Variants in TTC17 observed in about 807,000 individuals in gnomAD.
TTC17 encodes tetratricopeptide repeat domain 17.
TTC17 carries 58 observed loss-of-function variants against 143.8 expected under a neutral mutation model. The observed-to-expected ratio is 0.40, with a 90% confidence interval of 0.33 to 0.50. TTC17 has a LOEUF of 0.50. Ranked by LOEUF, TTC17 falls within the 20% of genes least tolerant of loss-of-function variation. The pLI is 0.49. For synonymous variants in TTC17, 501 were observed against 497.8 expected, an observed-to-expected ratio of 1.01 and a Z score of -0.09; for missense variants, 1,273 against 1,392.5, an observed-to-expected ratio of 0.91 and a Z score of 1.37.
At chr11:43,364,225 T>G (rs140334785) in intron 1 of TTC17, among the ~76,000 whole-genome samples, 1,546 of 151,962 alleles carry the variant, frequency 0.01, 28 homozygotes, top group African/African-American at 0.035. Flanking sequence ...CCTGGCTAAT[T>G]TTTGAATTTT....
At chr11:43,493,665 T>C (rs988832602) in intron 23 of TTC17, 108 bp from the exon 24 acceptor site, 10 of 1,528,092 alleles carry the variant, frequency 6.5e-6, no homozygotes, top group Admixed American at 1.8e-5. Context: ...GAGCAAATGC[T>C]GCGGGATTGT....
intron 18 of TTC17, among the ~76,000 whole-genome samples, chr11:43,445,291 C>A (rs967036640): frequency 4.6e-5 from 7 of 152,004 alleles, no homozygotes; most frequent in Non-Finnish European, 1.0e-4. Context: ...CACTGTTTTT[C>A]TTTCTTAAAT....
intron 21 of TTC17, among the ~76,000 whole-genome samples, chr11:43,475,247 G>A (rs12418410): frequency 0.051 from 7,674 of 151,522 alleles, 388 homozygotes; most frequent in East Asian, 0.28. Context: ...TTCAGATGGG[G>A]TTTTTTTTTG....
intron 1 of TTC17, among the ~76,000 whole-genome samples, chr11:43,360,443 T>C (rs1856054838): frequency 6.6e-6 from 1 of 152,218 alleles, no homozygotes; most frequent in Admixed American, 6.5e-5. Context: ...TCCACCCTTC[T>C]TTTGTTTCTT....
chr11:43,462,245 C>G (rs1564973909), intron 21 of TTC17, among the ~76,000 whole-genome samples: 1 of 152,176 alleles, frequency 6.6e-6, no homozygotes, highest in Admixed American at 6.5e-5. Flanking sequence ...TATCCACGTT[C>G]TAATCCCTGG....
In TTC17 at chr11:43,401,507, G is replaced by C; in HGVS notation, c.1281G>C (p.Gln427His). 1.9e-6 allele frequency: 3 copies of C among 1,613,706 alleles called. No homozygotes were observed. The change falls in exon 10 of 24, where the codon CAG becomes CAC. Residue 427 changes from glutamine to histidine, a missense_variant. By Grantham distance (24) the Gln-to-His change is conservative (BLOSUM62 0). Coordinates refer to ENST00000039989, the MANE Select transcript of TTC17 (RefSeq NM_018259.6). ...QQHSLHCQWD[Q>H]PVRYHRGDIF... ...ATAGTTTACATTGCCAGTGGGACCA[G>C]CCTGTACGCTATCATCGTGGAGATA...
At chr11:43,366,028 TGTAGTGCA>T (rs1856325759) in intron 1 of TTC17, among the ~76,000 whole-genome samples, 1 of 151,776 alleles carries the variant, frequency 6.6e-6, no homozygotes, top group South Asian at 2.1e-4. Context: ...GTCGCCAGGC[TGTAGTGCA>T]GTGGCGCAAT....
intron 16 of TTC17, among the ~76,000 whole-genome samples, chr11:43,427,478 C>T (rs536582657): frequency 1.3e-5 from 2 of 152,270 alleles, no homozygotes; most frequent in East Asian, 1.9e-4. Context: ...GATGCTATTG[C>T]GGGTAGTTAA....
At chr11:43,366,030 T>C (rs899239550) in intron 1 of TTC17, among the ~76,000 whole-genome samples, 2 of 151,448 alleles carry the variant, frequency 1.3e-5, no homozygotes, top group Non-Finnish European at 2.9e-5. Flanking sequence ...CGCCAGGCTG[T>C]AGTGCAGTGG....
intron 16 of TTC17, among the ~76,000 whole-genome samples, chr11:43,432,946 T>A (rs1422431067): frequency 6.6e-6 from 1 of 152,160 alleles, no homozygotes; most frequent in African/African-American, 2.4e-5. Flanking sequence ...GCAAATCACA[T>A]CAAAACCCTA....
intron 16 of TTC17, among the ~76,000 whole-genome samples, chr11:43,423,352 G>A (rs1215199280): frequency 6.6e-6 from 1 of 151,810 alleles, no homozygotes; most frequent in Non-Finnish European, 1.5e-5. Flanking sequence ...AGCAAGTTCA[G>A]TGATAGACAT....
Position 43,359,065 on chromosome 11 carries a change from C to G in TTC17, c.111C>G (p.Phe37Leu). Residue 37 changes from phenylalanine (F) to leucine (L), a missense_variant, in exon 1 of 24, where the codon TTC becomes TTG. Phe to Leu is a conservative substitution (Grantham distance 22, BLOSUM62 0). Coordinates refer to ENST00000039989, the MANE Select transcript of TTC17 (RefSeq NM_018259.6). ...TGAGTGTGGCGGCACGAGGGGCCTTCGCCACCACGCACTGGGTCGTCACGG... is the reference window on the plus strand; with the variant it reads ...TGAGTGTGGCGGCACGAGGGGCCTTGGCCACCACGCACTGGGTCGTCACGG... ...ALLSVAARGAFATTHWVVTED... is the reference protein window; with the variant it reads ...ALLSVAARGALATTHWVVTED... 3 of 1,590,690 alleles carry G rather than the reference C, an allele frequency of 1.9e-6. No homozygotes were observed. The highest frequency in any genetic ancestry group is 2.6e-6 in the Non-Finnish European group (3 of 1,170,166).
At chr11:43,409,956 C>T (rs1038954885) in intron 15 of TTC17, among the ~76,000 whole-genome samples, 2 of 151,892 alleles carry the variant, frequency 1.3e-5, no homozygotes, top group African/African-American at 4.8e-5. Context: ...CTTCTCGTGC[C>T]TCAGACTCTG....
chr11:43,441,429 CTTA>C (rs1302422529), intron 16 of TTC17, among the ~76,000 whole-genome samples: 1 of 151,956 alleles, frequency 6.6e-6, no homozygotes, highest in Non-Finnish European at 1.5e-5. Context: ...TAATTTTTCT[CTTA>C]TTATTTCATG....
chr11:43,450,140 T>G lies in TTC17; in HGVS notation c.2845T>G (p.Cys949Gly). 1.2e-6 allele frequency: 2 copies of G among 1,614,190 alleles called. No individual in the cohort carries two copies. Among genetic ancestry groups the G allele is most frequent in the Non-Finnish European group, 1.7e-6 (2 of 1,180,028 alleles). The change falls in exon 20 of 24, where the codon TGC becomes GGC. Residue 949 changes from cysteine to glycine, a missense_variant. This residue lies in a region of TTC17 where 878 missense variants were observed against 899.8 expected (regional missense o/e 0.98). Transcript: ENST00000039989. The stretch of plus-strand genomic sequence containing the variant: ...ACAGCAGCCAGCAATGGAGCCTCTT[T>G]GCAATGGCAATCTCCCCACGAGTAT... ...PIQQPAMEPL[C>G]NGNLPTSMHT...
intron 15 of TTC17, among the ~76,000 whole-genome samples, chr11:43,409,772 A>C (rs184278447): frequency 1.4e-4 from 21 of 152,286 alleles, no homozygotes; most frequent in African/African-American, 5.1e-4. Flanking sequence ...CTTGCTTAAA[A>C]ATACCACCTC....
chr11:43,471,389 A>G (rs1047094832), intron 21 of TTC17, among the ~76,000 whole-genome samples: 1 of 152,230 alleles, frequency 6.6e-6, no homozygotes, highest in African/African-American at 2.4e-5. Context: ...TCACAGACCC[A>G]GTCGCAGACA....
chr11:43,435,119 ATAGATAG>A (rs1310314688), intron 16 of TTC17: 1 of 151,996 alleles, frequency 6.6e-6, no homozygotes, highest in Admixed American at 6.6e-5. Flanking sequence ...AGATAGATAG[ATAGATAG>A]ATAGATCGGT....
intron 1 of TTC17, among the ~76,000 whole-genome samples, chr11:43,377,914 GTTTTTTT>G (rs1391894617): frequency 6.6e-6 from 1 of 151,322 alleles, no homozygotes; most frequent in African/African-American, 2.4e-5. Flanking sequence ...TTTGTTTTTT[GTTTTTTT>G]GAGACAGAGT....
Sources: allele counts gnomAD v4.1 joint callset (sites outside exome capture counted in the v4.1 genomes callset), GRCh38; gene constraint gnomAD v4.1.1; regional missense constraint gnomAD v4.1.1; transcripts MANE v1.5; gene names NCBI Gene and HGNC (gene_info 2026-07-23, HGNC 2026-07-21).